Variants in SYT2 observed in about 807,000 individuals in gnomAD.
The protein encoded by SYT2 is synaptotagmin 2.
Under a neutral mutation model 39.9 loss-of-function variants are expected in SYT2, and 15 were observed. The observed-to-expected ratio is 0.38, with a 90% CI of 0.25 to 0.58. SYT2 has a LOEUF of 0.58. Among genes scored for constraint, SYT2 ranks in the 20% least tolerant of loss-of-function variants. The probability of loss-of-function intolerance (pLI) is 0.70; values close to 1 mark genes in which losing one functional copy is unlikely to be tolerated. For synonymous variants in SYT2, 181 were observed against 204.5 expected, an observed-to-expected ratio of 0.89 and a Z score of 0.98; for missense variants, 389 against 530.3, an observed-to-expected ratio of 0.73 and a Z score of 2.62.
At chr1:202,677,250 A>G (rs546975777) in intron 1 of SYT2, among the ~76,000 whole-genome samples, 2 of 152,200 alleles carry the variant, frequency 1.3e-5, no homozygotes, top group African/African-American at 2.4e-5. Flanking sequence ...CCCATCCCAC[A>G]TGTTCTTCTG....
At chr1:202,667,273 G>T (rs1367242774) in intron 1 of SYT2, among the ~76,000 whole-genome samples, 1 of 152,160 alleles carries the variant, frequency 6.6e-6, no homozygotes, top group Non-Finnish European at 1.5e-5. Flanking sequence ...GATCCATAGA[G>T]GAAACACAAC....
chr1:202,698,052 A>G lies in SYT2; in HGVS notation c.-18+12206T>C, dbSNP rs191565613. 2.7e-3 allele frequency among the ~76,000 whole-genome samples: 412 copies of G among 152,162 alleles called. 3 individuals carry two copies. Among genetic ancestry groups the G allele is most frequent in the African/African-American group, 9.5e-3 (396 of 41,518 alleles). Reference sequence around the variant, plus strand: ...GGGGATGCGGGGAGGGTGAAGGATCAGGGATCCGGTTCCTGCGTTAGCTGG... The same window carrying G: ...GGGGATGCGGGGAGGGTGAAGGATCGGGGATCCGGTTCCTGCGTTAGCTGG... On this transcript the variant is annotated intron_variant, in intron 1 of 8. Coordinates refer to ENST00000367268, the MANE Select transcript of SYT2 (RefSeq NM_177402.5).
chr1:202,630,314 C>T, intron 1 of SYT2: 3 of 945,384 alleles, frequency 3.2e-6, no homozygotes, highest in Non-Finnish European at 3.8e-6. Context: ...TGACCAGGTG[C>T]TGGAGGACAC....
intron 1 of SYT2, among the ~76,000 whole-genome samples, chr1:202,610,807 C>T (rs899511559): frequency 6.6e-6 from 1 of 152,002 alleles, no homozygotes; most frequent in African/African-American, 2.4e-5. Flanking sequence ...CAAACCACTG[C>T]TCAATGAAAT....
At chr1:202,675,195 T>C (rs1486108391) in intron 1 of SYT2, among the ~76,000 whole-genome samples, 2 of 152,088 alleles carry the variant, frequency 1.3e-5, no homozygotes, top group Non-Finnish European at 2.9e-5. Flanking sequence ...ATGTGGTGAA[T>C]ACTGAGCACG....
intron 1 of SYT2, among the ~76,000 whole-genome samples, chr1:202,700,948 A>C (rs752798702): frequency 1.3e-5 from 2 of 152,208 alleles, no homozygotes; most frequent in Non-Finnish European, 2.9e-5. Context: ...TTGCACTTGG[A>C]ATGCTTGTTT....
rs567377314 is a variant in SYT2 at position 202,609,153 on chromosome 1, T to C, written c.-17-3364A>G. ...TTTGGTTTTTTGTCCTTGCGATAGT[T>C]TGCTGAGAATGATGGTTTCCAGCTT... On this transcript the variant is annotated intron_variant, in intron 1 of 8. Coordinates refer to ENST00000367268, the MANE Select transcript of SYT2 (RefSeq NM_177402.5). Among the ~76,000 whole-genome samples, 59 of 151,576 alleles carry C rather than the reference T, an allele frequency of 3.9e-4. 1 individual carries two copies. Among genetic ancestry groups the C allele is most frequent in the African/African-American group, 1.4e-3 (58 of 41,312 alleles).
At chr1:202,691,812 G>A (rs1401331320) in intron 1 of SYT2, among the ~76,000 whole-genome samples, 1 of 141,654 alleles carries the variant, frequency 7.1e-6, no homozygotes, top group Non-Finnish European at 1.5e-5. Flanking sequence ...AAAAGGAGCT[G>A]GAGAATAGAG....
intron 5 of SYT2, 56 bp from the exon 6 acceptor site, chr1:202,602,113 G>T (rs1690525984): frequency 5.0e-6 from 8 of 1,595,552 alleles, no homozygotes; most frequent in South Asian, 3.4e-5. Context: ...ACCTCCAGGG[G>T]TGCTATGGGC....
chr1:202,667,998 A>G (rs1186663775), intron 1 of SYT2, among the ~76,000 whole-genome samples: 3 of 152,234 alleles, frequency 2.0e-5, no homozygotes, highest in African/African-American at 7.2e-5. Flanking sequence ...GGCGTGAGCC[A>G]TCGCGCCCGG....
chr1:202,646,488 C>T (rs1220338192), intron 1 of SYT2, among the ~76,000 whole-genome samples: 2 of 152,188 alleles, frequency 1.3e-5, no homozygotes, highest in Non-Finnish European at 2.9e-5. Context: ...GGCAAGGACC[C>T]CTGCTCACCG....
intron 1 of SYT2, among the ~76,000 whole-genome samples, chr1:202,700,002 G>A (rs754103138): frequency 4.5e-4 from 69 of 152,144 alleles, no homozygotes; most frequent in Non-Finnish European, 6.8e-4. Flanking sequence ...AGAAGCTTAA[G>A]AGAATTCCAG....
Position 202,603,026 on chromosome 1 carries a change from G to A in SYT2, c.438C>T (p.Ser146=), listed in dbSNP as rs142617627. 8 of 1,613,608 alleles carry A rather than the reference G, an allele frequency of 5.0e-6. No homozygotes were observed. In the African/African-American group the frequency reaches 5.3e-5, roughly 11 times the overall value. The stretch of plus-strand genomic sequence containing the variant: ...GATTAGCCTGAAAATCATAGTCCAG[G>A]GAAAACTGCAGTTTGCCCAGGTTCT... ...EPENLGKLQF[S]LDYDFQANQL... Residue 146 remains serine (S), a synonymous_variant, in exon 4 of 9, where the codon TCC becomes TCT. Coordinates refer to ENST00000367268, the MANE Select transcript of SYT2 (RefSeq NM_177402.5).
Position 202,592,231 on chromosome 1 carries a change from G to A in SYT2, c.*4526C>T, listed in dbSNP as rs566668329. The A allele has an allele frequency of 6.5e-6, 1 of 152,894 alleles. No individual in the cohort carries two copies. The highest frequency in any genetic ancestry group is 2.1e-4 in the South Asian group (1 of 4,832). 9.5% of individuals were successfully genotyped at this position (152,894 alleles called of 1,614,324 possible). On this transcript the variant is annotated 3_prime_UTR_variant, in exon 9 of 9. Transcript: ENST00000367268. ...TACTGGGATGCCAGATACCAGGCTG[G>A]ACACTGCACCGGGCCCTGAGGTTTG... is the stretch of plus-strand genomic sequence containing the variant.
In SYT2 at chr1:202,604,363, G is replaced by T. The variant is rs915041865; in HGVS notation, c.345+92C>A. The T allele has an allele frequency of 2.2e-6, 3 of 1,351,654 alleles. No homozygotes were observed. The African/African-American group carries it at 4.3e-5, about 20-fold the overall frequency. 83.7% of individuals were successfully genotyped at this position (1,351,654 alleles called of 1,614,324 possible). A position where few individuals can be genotyped will look rare whatever the true frequency, so the allele number is the denominator to read the frequency against. ...TTTAAGGAGGGGAGCAGGTTTGGCT[G>T]TGGAAGCCCAGGAGCCTTTGCTTCC... On this transcript the variant is annotated intron_variant, in intron 3 of 8. Coordinates refer to ENST00000367268, the MANE Select transcript of SYT2 (RefSeq NM_177402.5).
intron 1 of SYT2, among the ~76,000 whole-genome samples, chr1:202,657,379 G>A (rs1692295880): frequency 6.6e-6 from 1 of 152,216 alleles, no homozygotes; most frequent in Non-Finnish European, 1.5e-5. Flanking sequence ...TTCTCCCAGT[G>A]AGATCTGAAG....
chr1:202,658,853 G>C (rs1320217997), intron 1 of SYT2, among the ~76,000 whole-genome samples: 2 of 152,082 alleles, frequency 1.3e-5, no homozygotes, highest in Non-Finnish European at 2.9e-5. Flanking sequence ...GGTGAAGTCA[G>C]GAGGTCTAGG....
At chr1:202,663,265 T>C (rs890791075) in intron 1 of SYT2, among the ~76,000 whole-genome samples, 1 of 152,176 alleles carries the variant, frequency 6.6e-6, no homozygotes, top group Non-Finnish European at 1.5e-5. Context: ...CCCTCAGCAA[T>C]AAGAAGGGTT....
chr1:202,607,250 A>T (rs189983877), intron 1 of SYT2, among the ~76,000 whole-genome samples: 82 of 152,230 alleles, frequency 5.4e-4, no homozygotes, highest in Admixed American at 1.2e-3. Flanking sequence ...CACAGCGGGC[A>T]CTCTGGGTAT....
Sources: gnomAD v4.1 joint callset for allele counts (sites outside exome capture counted in the v4.1 genomes callset) on GRCh38, gnomAD v4.1.1 for gene constraint, MANE v1.5 for transcripts, NCBI Gene and HGNC (gene_info 2026-07-23, HGNC 2026-07-21) for gene names.